The following SEC61A1 variants were observed in gnomAD, a reference collection of about 807,000 sequenced individuals.
The protein encoded by SEC61A1 is protein transport protein Sec61 subunit alpha isoform 1.
In SEC61A1, 15 loss-of-function variants were observed where a neutral mutation model predicts 55.2. The ratio of observed to expected loss-of-function variants is 0.27; its 90% CI spans 0.18 to 0.42. The LOEUF (loss-of-function observed/expected upper bound fraction) is 0.42. SEC61A1 is among the 10% of genes least tolerant of loss of function. SEC61A1 has a pLI of 1.00. For missense variants in SEC61A1, 284 were observed against 602.6 expected, an observed-to-expected ratio of 0.47 and a Z score of 5.53; for synonymous variants, 247 against 234.0, an observed-to-expected ratio of 1.06 and a Z score of -0.51.
rs1290982379 is a variant in SEC61A1, at chr3:128,055,760, C to G, written c.220+9C>G. 1.9e-6 allele frequency: 3 copies of G among 1,605,850 alleles called. No individual in the cohort carries two copies. The highest frequency in any genetic ancestry group is 1.7e-6 in the Non-Finnish European group (2 of 1,172,594). The stretch of plus-strand genomic sequence containing the variant: ...TCTAGCCTCTAACAGAGGTAGGACT[C>G]TGGCTCTGTCTTTTCTCTGTAGAGT... On this transcript the variant is annotated intron_variant, in intron 4 of 11. Transcript: ENST00000243253.
chr3:128,061,022 T>A (rs1941843399), intron 7 of SEC61A1, among the ~76,000 whole-genome samples: 1 of 152,228 alleles, frequency 6.6e-6, no homozygotes, highest in Non-Finnish European at 1.5e-5. Flanking sequence ...TCCTCATATG[T>A]TCATCTTTGT....
Position 128,069,763 on chromosome 3 carries a change from T to A in SEC61A1, c.*101T>A, listed in dbSNP as rs1448308184. 1 of 976,250 alleles carries A rather than the reference T, an allele frequency of 1.0e-6. No homozygotes were observed. The highest frequency in any genetic ancestry group is 1.5e-6 in the Non-Finnish European group (1 of 649,838). 60.5% of individuals were successfully genotyped at this position (976,250 alleles called of 1,614,324 possible). The stretch of plus-strand genomic sequence containing the variant: ...GCTGCGGCATATGGACTTTTAATAA[T>A]GTTTTTGAATTTCGTATTCTTTCAT... On this transcript the variant is annotated 3_prime_UTR_variant, in exon 12 of 12. Coordinates refer to ENST00000243253, the MANE Select transcript of SEC61A1 (RefSeq NM_013336.4).
At chr3:128,054,173 T>A (rs1159935870) in intron 2 of SEC61A1, among the ~76,000 whole-genome samples, 2 of 152,200 alleles carry the variant, frequency 1.3e-5, no homozygotes, top group African/African-American at 4.8e-5. Context: ...GAGGATGAAC[T>A]GTGGTACTGA....
At position 128,052,871 on chromosome 3, in the gene SEC61A1, T is replaced by A. The variant is rs1383259613; in HGVS notation, c.44T>A (p.Ile15Asn). Reference protein sequence around the residue: ...FLEVIKPFCVILPEIQKPERK... With the variant: ...FLEVIKPFCVNLPEIQKPERK... ...GAAGTCATCAAGCCCTTCTGTGTCA[T>A]CCTGCCGGAAATTCAGAAGCCAGAG... Residue 15 changes from isoleucine to asparagine, a missense_variant, in exon 2 of 12, where the codon ATC becomes AAC. Coordinates refer to ENST00000243253, the MANE Select transcript of SEC61A1 (RefSeq NM_013336.4). 1 of 1,613,048 alleles carries A rather than the reference T, an allele frequency of 6.2e-7. No homozygotes were observed. The highest frequency in any genetic ancestry group is 1.3e-5 in the African/African-American group (1 of 74,856).
intron 2 of SEC61A1, 150 bp from the exon 3 acceptor site, chr3:128,055,366 T>C (rs750996199): frequency 8.8e-5 from 60 of 683,602 alleles, no homozygotes; most frequent in Middle Eastern, 8.0e-4. Flanking sequence ...ATGGTACTTA[T>C]GTTTGGTACA....
chr3:128,066,538 T>C, intron 8 of SEC61A1: 1 of 181,088 alleles, frequency 5.5e-6, no homozygotes, highest in Non-Finnish European at 1.2e-5. Flanking sequence ...TTGTCCCACC[T>C]CAGCCTCCTG....
At chr3:128,063,914 T>C (rs1941891940) in intron 7 of SEC61A1, among the ~76,000 whole-genome samples, 2 of 152,234 alleles carry the variant, frequency 1.3e-5, no homozygotes, top group South Asian at 4.1e-4. Flanking sequence ...TTCCTCTCAC[T>C]TGTTACTCTG....
intron 5 of SEC61A1, among the ~76,000 whole-genome samples, chr3:128,057,961 T>C (rs1051677157): frequency 2.6e-5 from 4 of 152,172 alleles, no homozygotes; most frequent in Non-Finnish European, 4.4e-5. Flanking sequence ...ATAGCTCTTA[T>C]GTTTCACTTT....
rs1941777913 is a variant in SEC61A1, at chr3:128,056,738, A to G, written c.250A>G (p.Ile84Val). The change falls in exon 5 of 12, where the codon ATT becomes GTT. Residue 84 changes from isoleucine (I) to valine (V), a missense_variant. Transcript: ENST00000243253. ...GTLMELGISP[I>V]VTSGLIMQLL... is the part of the protein sequence containing the mutation. Reference sequence around the variant, plus strand: ...ATTGATGGAGCTAGGGATCTCTCCTATTGTCACGTCTGGCCTTATAATGCA... The same window carrying G: ...ATTGATGGAGCTAGGGATCTCTCCTGTTGTCACGTCTGGCCTTATAATGCA... The G allele has an allele frequency of 3.7e-6, 6 of 1,606,046 alleles. No individual in the cohort carries two copies. The highest frequency in any genetic ancestry group is 1.3e-5 in the African/African-American group (1 of 74,784).
chr3:128,064,769 C>A, intron 7 of SEC61A1, 108 bp from the exon 8 acceptor site: 1 of 922,436 alleles, frequency 1.1e-6, no homozygotes, highest in Non-Finnish European at 1.6e-6. Flanking sequence ...CACCATGAGT[C>A]TAATAACTTA....
At position 128,068,066 on chromosome 3, in the gene SEC61A1, G is replaced by T; in HGVS notation, c.1244+7G>T. The T allele has an allele frequency of 3.7e-6, 6 of 1,611,828 alleles. No individual in the cohort carries two copies. Among genetic ancestry groups the T allele is most frequent in the African/African-American group, 1.3e-5 (1 of 74,926 alleles). ...TGGTCCATGAACTCAACCGGTGAGTGGTGGCCCCAGGTCCCCAACCTCCCG... is the reference window on the plus strand; with the variant it reads ...TGGTCCATGAACTCAACCGGTGAGTTGTGGCCCCAGGTCCCCAACCTCCCG... On this transcript the variant is annotated splice_region_variant and intron_variant, in intron 11 of 11. Coordinates refer to ENST00000243253, the MANE Select transcript of SEC61A1 (RefSeq NM_013336.4).
intron 6 of SEC61A1, 136 bp from the exon 7 acceptor site, chr3:128,060,372 C>T: frequency 9.0e-7 from 1 of 1,116,294 alleles, no homozygotes; most frequent in Non-Finnish European, 1.3e-6. Flanking sequence ...AAAGGCTTTA[C>T]TGACCGCTCT....
Position 128,055,571 on chromosome 3 carries a change from T to A in SEC61A1, c.131T>A (p.Val44Glu). ...WTAITLFIFL[V>E]CCQIPLFGIM... is the part of the protein sequence containing the mutation. Reference sequence around the variant, plus strand: ...GCTATCACCCTCTTTATCTTCTTAGTGTGCTGCCAGGTAAGCTCAGGCTTG... The same window carrying A: ...GCTATCACCCTCTTTATCTTCTTAGAGTGCTGCCAGGTAAGCTCAGGCTTG... Residue 44 changes from valine to glutamate, a missense_variant, in exon 3 of 12, where the codon GTG (valine) becomes GAG (glutamate). By Grantham distance (121) the Val-to-Glu change is moderately radical. Coordinates refer to ENST00000243253, the MANE Select transcript of SEC61A1 (RefSeq NM_013336.4). 1 of 1,613,616 alleles carries A rather than the reference T, an allele frequency of 6.2e-7. No individual in the cohort carries two copies. Among genetic ancestry groups the A allele is most frequent in the Non-Finnish European group, 8.5e-7 (1 of 1,179,472 alleles).
At position 128,069,563 on chromosome 3, in the gene SEC61A1, A is replaced by G; in HGVS notation, c.1332A>G (p.Gly444=). The G allele has an allele frequency of 6.2e-7, 1 of 1,614,090 alleles. No homozygotes were observed. Among genetic ancestry groups the G allele is most frequent in the Non-Finnish European group, 8.5e-7 (1 of 1,180,022 alleles). ...ACTTCCTAGGCGCCATTGGGTCTGG[A>G]ACCGGGATCCTGCTCGCAGTCACAA... ...LADFLGAIGS[G]TGILLAVTII... The change falls in exon 12 of 12, where the codon GGA becomes GGG. Residue 444 remains glycine, a synonymous_variant. Transcript: ENST00000243253.
At chr3:128,053,935 T>C (rs1241186830) in intron 2 of SEC61A1, among the ~76,000 whole-genome samples, 1 of 152,240 alleles carries the variant, frequency 6.6e-6, no homozygotes, top group Non-Finnish European at 1.5e-5. Context: ...AGAAGTCTCC[T>C]TGAAGGGACG....
chr3:128,064,847 C>A lies in SEC61A1; in HGVS notation c.617-30C>A, dbSNP rs1273573318. The A allele has an allele frequency of 3.2e-6, 5 of 1,549,160 alleles. No homozygotes were observed. The African/African-American group carries it at 6.9e-5, about 21-fold the overall frequency. On this transcript the variant is annotated intron_variant, in intron 7 of 11. Transcript: ENST00000243253. ...AGCAAATTGAGTTGCCTGTTCGTTC[C>A]TTCATATATGTCTCCTCCTCTGCCA...
chr3:128,055,301 G>C (rs1168149512), intron 2 of SEC61A1, among the ~76,000 whole-genome samples: 1 of 152,154 alleles, frequency 6.6e-6, no homozygotes, highest in East Asian at 1.9e-4. Flanking sequence ...GGTGAGCTGG[G>C]GTGATGCCTG....
intron 6 of SEC61A1, 23 bp downstream of exon 6, chr3:128,060,234 C>A: frequency 6.7e-7 from 1 of 1,501,084 alleles, no homozygotes; most frequent in Non-Finnish European, 9.3e-7. Context: ...CTAACATCTC[C>A]CTTTGAGTAG....
At chr3:128,064,793 C>G (rs1941912543) in intron 7 of SEC61A1, 84 bp from the exon 8 acceptor site, 1 of 1,288,220 alleles carries the variant, frequency 7.8e-7, no homozygotes, top group Non-Finnish European at 1.1e-6. Flanking sequence ...TTGTTTTCCT[C>G]TTTTTATTTG....
Sources: gnomAD v4.1 joint callset for allele counts (sites outside exome capture counted in the v4.1 genomes callset) on GRCh38, gnomAD v4.1.1 for gene constraint, MANE v1.5 for transcripts, NCBI Gene and HGNC (gene_info 2026-07-23, HGNC 2026-07-21) for gene names.